TBC1D2: variants seen among roughly 807,000 people sequenced by gnomAD.
The protein encoded by TBC1D2 is TBC1 domain family member 2.
In TBC1D2, 58 loss-of-function variants were observed where a neutral mutation model predicts 91.1. The observed-to-expected ratio is 0.64, with a 90% CI of 0.52 to 0.79. The LOEUF (loss-of-function observed/expected upper bound fraction) is 0.79. Ranked by LOEUF, TBC1D2 falls within the 30% of genes least tolerant of loss-of-function variation. The pLI is 0.00. For synonymous variants in TBC1D2, 482 were observed against 511.5 expected, an observed-to-expected ratio of 0.94 and a Z score of 0.78; for missense variants, 1,080 against 1,208.3, an observed-to-expected ratio of 0.89 and a Z score of 1.57.
chr9:98,231,278 G>C (rs979421032), intron 4 of TBC1D2, among the ~76,000 whole-genome samples: 2 of 69,444 alleles, frequency 2.9e-5, no homozygotes, highest in African/African-American at 2.3e-4. Flanking sequence ...CCTCAACTCT[G>C]CTTTTTTTTT....
chr9:98,227,623 CA>C (rs938855529), intron 5 of TBC1D2, among the ~76,000 whole-genome samples: 1 of 150,064 alleles, frequency 6.7e-6, no homozygotes. Flanking sequence ...AACCAAAAAA[CA>C]AAAAAAAATT....
chr9:98,247,362 C>CA (rs200032213), intron 2 of TBC1D2, among the ~76,000 whole-genome samples: 26,684 of 139,304 alleles, frequency 0.19, 2,530 homozygotes, highest in Non-Finnish European at 0.22. Context: ...CACAAACAAA[C>CA]AAAAAAAAAA....
At chr9:98,254,311 T>C (rs1829930044) in intron 1 of TBC1D2, among the ~76,000 whole-genome samples, 1 of 152,200 alleles carries the variant, frequency 6.6e-6, no homozygotes, top group Admixed American at 6.5e-5. Flanking sequence ...CTTGGTTCCA[T>C]CACCTTGTGT....
intron 9 of TBC1D2, among the ~76,000 whole-genome samples, chr9:98,205,546 C>CCTTTT (rs974171135): frequency 6.6e-6 from 1 of 152,080 alleles, no homozygotes; most frequent in African/African-American, 2.4e-5. Context: ...ACATGCAGTT[C>CCTTTT]CTTTTCTTTT....
Position 98,221,019 on chromosome 9 carries a change from C to G in TBC1D2, c.1188G>C (p.Gln396His), listed in dbSNP as rs746738421. The G allele has an allele frequency of 1.9e-5, 31 of 1,613,974 alleles. No individual in the cohort carries two copies. Among genetic ancestry groups the G allele is most frequent in the Non-Finnish European group, 2.6e-5 (31 of 1,180,034 alleles). The change falls in exon 6 of 13, where the codon CAG (glutamine) becomes CAC (histidine). Residue 396 changes from glutamine to histidine, a missense_variant. Gln to His is a conservative substitution (Grantham distance 24). Transcript: ENST00000465784. ...GCACGTGCTGCTGTAGCTCCTGCAC[C>G]TGCTGCTCCCGCAGGCTCGCTGTGT... ...LAHTASLREQ[Q>H]VQELQQHVQL... is the part of the protein sequence containing the mutation.
intron 4 of TBC1D2, among the ~76,000 whole-genome samples, chr9:98,230,038 G>A (rs1413421134): frequency 2.0e-5 from 3 of 152,140 alleles, no homozygotes; most frequent in African/African-American, 7.2e-5. Flanking sequence ...TCATTCCCTT[G>A]TGTTGCCTTG....
At chr9:98,245,375 T>C (rs188651172) in intron 2 of TBC1D2, among the ~76,000 whole-genome samples, 23 of 152,134 alleles carry the variant, frequency 1.5e-4, no homozygotes, top group African/African-American at 5.5e-4. Flanking sequence ...TGAGACCACC[T>C]GAGCAGCATG....
At chr9:98,220,682 C>G in intron 6 of TBC1D2, 151 bp downstream of exon 6, 2 of 1,018,984 alleles carry the variant, frequency 2.0e-6, no homozygotes, top group Non-Finnish European at 2.8e-6. Context: ...GAGCAATATT[C>G]CCATCAACAT....
chr9:98,252,912 G>C (rs973318722), intron 1 of TBC1D2, among the ~76,000 whole-genome samples: 1 of 152,092 alleles, frequency 6.6e-6, no homozygotes, highest in Non-Finnish European at 1.5e-5. Flanking sequence ...CACTATGCAG[G>C]GGGGAGTCTG....
At chr9:98,213,365 A>C in intron 6 of TBC1D2, 147 bp from the exon 7 acceptor site, 1 of 1,467,320 alleles carries the variant, frequency 6.8e-7, no homozygotes, top group East Asian at 2.5e-5. Flanking sequence ...AAAGAAAAAT[A>C]AAATACTCAT....
intron 5 of TBC1D2, 24 bp from the exon 6 acceptor site, chr9:98,221,252 T>C (rs893222731): frequency 1.3e-6 from 2 of 1,514,322 alleles, no homozygotes; most frequent in Admixed American, 4.1e-5. Flanking sequence ...GGGAAGAATC[T>C]TGTGAGCTCA....
chr9:98,200,584 C>T (rs572219212), intron 11 of TBC1D2, among the ~76,000 whole-genome samples: 48 of 152,256 alleles, frequency 3.2e-4, no homozygotes, highest in Non-Finnish European at 4.9e-4. Flanking sequence ...GGGGAAGGGA[C>T]GCACAGCTTG....
intron 2 of TBC1D2, among the ~76,000 whole-genome samples, chr9:98,245,445 T>C (rs1829744387): frequency 6.6e-6 from 1 of 151,934 alleles, no homozygotes; most frequent in Admixed American, 6.6e-5. Flanking sequence ...TGCGTGCCTA[T>C]AGTCCCAGCT....
At chr9:98,237,278 C>A (rs1418987138) in intron 3 of TBC1D2, among the ~76,000 whole-genome samples, 1 of 148,894 alleles carries the variant, frequency 6.7e-6, no homozygotes, top group Non-Finnish European at 1.5e-5. Flanking sequence ...ACTGGGAAGG[C>A]AGAGGTTGCA....
chr9:98,220,594 A>C (rs1411032098), intron 6 of TBC1D2, among the ~76,000 whole-genome samples: 1 of 152,190 alleles, frequency 6.6e-6, no homozygotes, highest in Non-Finnish European at 1.5e-5. Flanking sequence ...CCAGGATACC[A>C]GGGCTACTGG....
At position 98,218,033 on chromosome 9, in the gene TBC1D2, T is replaced by C. The variant is rs141798057; in HGVS notation, c.1374+2800A>G. Among the ~76,000 whole-genome samples, 960 of 152,174 alleles carry C rather than the reference T, an allele frequency of 6.3e-3. 12 individuals carry two copies. The highest frequency in any genetic ancestry group is 0.022 in the African/African-American group (899 of 41,520). On this transcript the variant is annotated intron_variant, in intron 6 of 12. Coordinates refer to ENST00000465784, the MANE Select transcript of TBC1D2 (RefSeq NM_001267571.2). ...GCCTGGCTAATTTTTTAATTTTTTG[T>C]AGAGATGAGATCTTGCTATGTTTCC... is the stretch of plus-strand genomic sequence containing the variant.
In TBC1D2 at chr9:98,208,762, A is replaced by C. The variant is rs759255741; in HGVS notation, c.2056T>G (p.Cys686Gly). ...TTGTCGGGGAAGCTGGAGGTGGGGC[A>C]GGTGAAGTGTTTGTTGTTGGGGAAG... is the stretch of plus-strand genomic sequence containing the variant. ...RTFPNNKHFT[C>G]PTSSFPDKLR... is the part of the protein sequence containing the mutation. Residue 686 changes from cysteine to glycine, a missense_variant, in exon 9 of 13, where the codon TGC becomes GGC. By Grantham distance (159) the Cys-to-Gly change is radical. Coordinates refer to ENST00000465784, the MANE Select transcript of TBC1D2 (RefSeq NM_001267571.2). 6.2e-5 allele frequency: 97 copies of C among 1,572,824 alleles called. No individual in the cohort carries two copies. Among genetic ancestry groups the C allele is most frequent in the Non-Finnish European group, 7.9e-5 (91 of 1,154,722 alleles).
intron 3 of TBC1D2, among the ~76,000 whole-genome samples, chr9:98,242,095 G>A (rs1829650423): frequency 6.6e-6 from 1 of 152,196 alleles, no homozygotes; most frequent in Non-Finnish European, 1.5e-5. Context: ...AGTCCCGTGA[G>A]CAATCTATTT....
chr9:98,242,830 T>TTTTTG (rs1829678087), intron 3 of TBC1D2, among the ~76,000 whole-genome samples: 2 of 118,882 alleles, frequency 1.7e-5, no homozygotes, highest in Admixed American at 8.9e-5. Flanking sequence ...TTTTTTTTTT[T>TTTTTG]GAGACAGGGT....
Sources: allele counts gnomAD v4.1 joint callset (sites outside exome capture counted in the v4.1 genomes callset), GRCh38; gene constraint gnomAD v4.1.1; transcripts MANE v1.5; gene names NCBI Gene and HGNC (gene_info 2026-07-23, HGNC 2026-07-21).